SLC17A4: variants seen among roughly 807,000 people sequenced by gnomAD.
The protein encoded by SLC17A4 is solute carrier family 17 member 4.
A neutral mutation model predicts 52.5 loss-of-function variants in SLC17A4; 33 were observed. The observed-to-expected ratio is 0.63, with a 90% CI of 0.48 to 0.84. The LOEUF is 0.84. Among genes scored for constraint, SLC17A4 ranks in the 40% least tolerant of loss-of-function variants. SLC17A4 has a pLI of 0.00. For missense variants in SLC17A4, 585 were observed against 597.1 expected, an observed-to-expected ratio of 0.98 and a Z score of 0.21; for synonymous variants, 225 against 216.2, an observed-to-expected ratio of 1.04 and a Z score of -0.36.
At chr6:25,774,213 G>T (rs2151453146) in intron 8 of SLC17A4, among the ~76,000 whole-genome samples, 1 of 152,300 alleles carries the variant, frequency 6.6e-6, no homozygotes, top group East Asian at 1.9e-4. Context: ...CATAGAGAAA[G>T]AAAAGTGTGT....
chr6:25,775,459 A>G (rs1281141494), intron 8 of SLC17A4, among the ~76,000 whole-genome samples: 1 of 151,998 alleles, frequency 6.6e-6, no homozygotes, highest in Non-Finnish European at 1.5e-5. Context: ...CTTTTGAGAC[A>G]ACGTCTCACT....
At chr6:25,769,336 C>A in intron 3 of SLC17A4, 146 bp downstream of exon 3, 1 of 781,816 alleles carries the variant, frequency 1.3e-6, no homozygotes, top group Non-Finnish European at 2.0e-6. Context: ...AAGTATCAGG[C>A]CGAGCATGGT....
intron 1 of SLC17A4, among the ~76,000 whole-genome samples, chr6:25,759,132 C>A (rs1039056643): frequency 6.6e-6 from 1 of 152,058 alleles, no homozygotes; most frequent in Non-Finnish European, 1.5e-5. Context: ...GAGTTGATTT[C>A]CAATTTTATT....
At position 25,773,256 on chromosome 6, in the gene SLC17A4, C is replaced by T. The variant is rs757104412; in HGVS notation, c.707-19C>T. 12 of 1,591,170 alleles carry T rather than the reference C, an allele frequency of 7.5e-6. No homozygotes were observed. Among genetic ancestry groups the T allele is most frequent in the Non-Finnish European group, 1.0e-5 (12 of 1,159,264 alleles). On this transcript the variant is annotated intron_variant, in intron 6 of 11. Coordinates refer to ENST00000377905, the MANE Select transcript of SLC17A4 (RefSeq NM_005495.3). Reference sequence around the variant, plus strand: ...AGTACTTCAATCCATCCAGTGCTAACTGGATCCCCTTTTCCTAGGAGGAAT... The same window carrying T: ...AGTACTTCAATCCATCCAGTGCTAATTGGATCCCCTTTTCCTAGGAGGAAT...
rs368081120 is a variant in SLC17A4 at position 25,777,957 on chromosome 6, G to A, written c.1300G>A (p.Val434Ile). 3 of 1,613,170 alleles carry A rather than the reference G, an allele frequency of 1.9e-6. No individual in the cohort carries two copies. The highest frequency in any genetic ancestry group is 2.5e-6 in the Non-Finnish European group (3 of 1,179,662). The change falls in exon 11 of 12, where the codon GTC becomes ATC. Residue 434 changes from valine (V) to isoleucine (I), a missense_variant. Val to Ile is a conservative substitution (Grantham distance 29). Coordinates refer to ENST00000377905, the MANE Select transcript of SLC17A4 (RefSeq NM_005495.3). Reference sequence around the variant, plus strand: ...TGGCTTTCTCAAAGGACTATTGCAAGTCTTTGCACACATAGCTGGAGCCAT... The same window carrying A: ...TGGCTTTCTCAAAGGACTATTGCAAATCTTTGCACACATAGCTGGAGCCAT... ...YTGFLKGLLQ[V>I]FAHIAGAISP...
chr6:25,775,729 A>C (rs971989299), intron 8 of SLC17A4, among the ~76,000 whole-genome samples: 6 of 152,184 alleles, frequency 3.9e-5, no homozygotes, highest in Non-Finnish European at 7.4e-5. Flanking sequence ...TGGCTGGCCT[A>C]AATTTCCTAT....
intron 1 of SLC17A4, among the ~76,000 whole-genome samples, chr6:25,761,024 G>C (rs1761485774): frequency 6.6e-6 from 1 of 152,072 alleles, no homozygotes; most frequent in Non-Finnish European, 1.5e-5. Context: ...ATAATATATA[G>C]AGCTTCATCT....
intron 8 of SLC17A4, among the ~76,000 whole-genome samples, chr6:25,775,473 T>C (rs1762833182): frequency 6.6e-6 from 1 of 152,174 alleles, no homozygotes; most frequent in Non-Finnish European, 1.5e-5. Context: ...TCTCACTGTG[T>C]TGCCCAGGCT....
chr6:25,775,720 G>T (rs1263279292), intron 8 of SLC17A4, among the ~76,000 whole-genome samples: 1 of 152,118 alleles, frequency 6.6e-6, no homozygotes, highest in African/African-American at 2.4e-5. Flanking sequence ...GAGCCACCAT[G>T]GCTGGCCTAA....
At chr6:25,756,705 G>C (rs1424441154) in intron 1 of SLC17A4, among the ~76,000 whole-genome samples, 1 of 152,150 alleles carries the variant, frequency 6.6e-6, no homozygotes, top group East Asian at 1.9e-4. Context: ...AAAGGAGAGG[G>C]CAATTTAATG....
chr6:25,758,882 A>T (rs1007589219), intron 1 of SLC17A4, among the ~76,000 whole-genome samples: 1 of 151,952 alleles, frequency 6.6e-6, no homozygotes. Flanking sequence ...CTTGAGGTGT[A>T]AACTTAGATT....
At position 25,771,005 on chromosome 6, in the gene SLC17A4, T is replaced by C; in HGVS notation, c.699T>C (p.Tyr233=). Residue 233 remains tyrosine, a synonymous_variant, in exon 6 of 12, where the codon TAT becomes TAC. Transcript: ENST00000377905. ...CQTIGWPYVF[Y]IFGGIGCACC... ...CCATAGGATGGCCTTACGTCTTCTA[T>C]ATCTTTGGTGAGTGTGCTTTTCAAA... The C allele has an allele frequency of 6.2e-7, 1 of 1,613,446 alleles. No individual in the cohort carries two copies. Among genetic ancestry groups the C allele is most frequent in the African/African-American group, 1.3e-5 (1 of 75,020 alleles).
chr6:25,758,814 T>G (rs1761257616), intron 1 of SLC17A4, among the ~76,000 whole-genome samples: 1 of 152,196 alleles, frequency 6.6e-6, no homozygotes, highest in African/African-American at 2.4e-5. Context: ...GCTCTGATCT[T>G]GGTTATTTCT....
In SLC17A4 at chr6:25,777,745, T is replaced by C. The variant is rs1325788813; in HGVS notation, c.1269-181T>C. On this transcript the variant is annotated intron_variant, in intron 10 of 11. Coordinates refer to ENST00000377905, the MANE Select transcript of SLC17A4 (RefSeq NM_005495.3). ...ACTAATCATTGGTCAGTACATTTCATTCAGGTTTCACCAAGGCTTACACAA... is the reference window on the plus strand; with the variant it reads ...ACTAATCATTGGTCAGTACATTTCACTCAGGTTTCACCAAGGCTTACACAA... The C allele has an allele frequency of 3.3e-5, 19 of 577,048 alleles. No individual in the cohort carries two copies. In the Admixed American group the frequency reaches 5.3e-4, roughly 16 times the overall value. 35.7% of individuals were successfully genotyped at this position (577,048 alleles called of 1,614,324 possible).
intron 8 of SLC17A4, among the ~76,000 whole-genome samples, chr6:25,775,907 G>A (rs756881180): frequency 6.6e-6 from 1 of 152,108 alleles, no homozygotes; most frequent in Non-Finnish European, 1.5e-5. Flanking sequence ...ATCAGTACAT[G>A]AGAACCTTGC....
intron 10 of SLC17A4, chr6:25,777,447 C>A: frequency 6.3e-6 from 1 of 159,608 alleles, no homozygotes; most frequent in Non-Finnish European, 1.4e-5. Flanking sequence ...TAATGAACCA[C>A]CAAGAAATGT....
At chr6:25,762,154 G>T (rs1399854906) in intron 2 of SLC17A4, 101 bp downstream of exon 2, 22 of 946,988 alleles carry the variant, frequency 2.3e-5, no homozygotes, top group Non-Finnish European at 3.2e-5. Context: ...ATCTTTTGTT[G>T]ATACACATCA....
At chr6:25,755,048 T>TAC (rs35878702) in intron 1 of SLC17A4, among the ~76,000 whole-genome samples, 36,172 of 144,794 alleles carry the variant, frequency 0.25, 4,929 homozygotes, top group East Asian at 0.59. Flanking sequence ...CACACACACA[T>TAC]ACACACACAC....
chr6:25,768,396 G>C (rs1762198265), intron 2 of SLC17A4: 1 of 987,406 alleles, frequency 1.0e-6, no homozygotes, highest in African/African-American at 1.7e-5. Context: ...CAACCACAGG[G>C]ATATCCCCAG....
Sources: gnomAD v4.1 joint callset for allele counts (sites outside exome capture counted in the v4.1 genomes callset) on GRCh38, gnomAD v4.1.1 for gene constraint, MANE v1.5 for transcripts, NCBI Gene and HGNC (gene_info 2026-07-23, HGNC 2026-07-21) for gene names.